Variants in CTNNA3 observed in about 807,000 individuals in gnomAD.
CTNNA3 encodes catenin alpha 3, also known as catenin alpha-3.
A neutral mutation model predicts 95.7 loss-of-function variants in CTNNA3; 76 were observed. That is an observed-to-expected ratio of 0.79 (90% CI 0.66 to 0.96). The LOEUF is 0.96. Among genes scored for constraint, CTNNA3 ranks in the 40% least tolerant of loss-of-function variants. CTNNA3 has a pLI of 0.00. For synonymous variants in CTNNA3, 431 were observed against 374.4 expected (o/e 1.15, Z -1.74); for missense variants, 1,191 against 1,089.8 (o/e 1.09, Z -1.31).
intron 7 of CTNNA3, among the ~76,000 whole-genome samples, chr10:67,055,676 T>A (rs1679823356): frequency 6.6e-6 from 1 of 152,146 alleles, no homozygotes; most frequent in Non-Finnish European, 1.5e-5. Context: ...GGCTTTGTTC[T>A]TTGTAAGAAT....
chr10:66,585,047 CTG>C (rs1294165466), intron 10 of CTNNA3, among the ~76,000 whole-genome samples: 6 of 152,056 alleles, frequency 3.9e-5, no homozygotes, highest in Non-Finnish European at 8.8e-5. Context: ...GCTGAGAAGT[CTG>C]CAGTTAGTTT....
At chr10:66,304,640 A>G (rs980128136) in intron 12 of CTNNA3, among the ~76,000 whole-genome samples, 5 of 152,180 alleles carry the variant, frequency 3.3e-5, no homozygotes, top group African/African-American at 1.2e-4. Flanking sequence ...AGAGGATTAA[A>G]AAAATAAAAT....
At chr10:66,452,883 C>G (rs866307603) in intron 11 of CTNNA3, among the ~76,000 whole-genome samples, 2 of 152,092 alleles carry the variant, frequency 1.3e-5, no homozygotes, top group Admixed American at 6.6e-5. Flanking sequence ...TCAGCATTCC[C>G]CATCCCCTAG....
chr10:67,529,498 C>T (rs1156660909), intron 4 of CTNNA3, among the ~76,000 whole-genome samples: 1 of 77,298 alleles, frequency 1.3e-5, no homozygotes. Context: ...GCTGTGGGGT[C>T]GGGGGAGGGG....
chr10:67,646,183 T>C (rs1409718534), intron 2 of CTNNA3, among the ~76,000 whole-genome samples: 1 of 145,902 alleles, frequency 6.9e-6, no homozygotes, highest in African/African-American at 2.7e-5. Context: ...AGGGTTTTTC[T>C]TTCTTTTTTT....
chr10:66,866,251 G>C (rs529091430), intron 7 of CTNNA3, among the ~76,000 whole-genome samples: 1 of 152,246 alleles, frequency 6.6e-6, no homozygotes, highest in African/African-American at 2.4e-5. Context: ...ATACCAAGAG[G>C]ATACTCAGTT....
chr10:66,077,655 C>T (rs988943124), intron 14 of CTNNA3, among the ~76,000 whole-genome samples: 3 of 151,672 alleles, frequency 2.0e-5, no homozygotes, highest in African/African-American at 7.3e-5. Flanking sequence ...GTAGCATAAA[C>T]CTTTCTCCAA....
intron 11 of CTNNA3, among the ~76,000 whole-genome samples, chr10:66,503,451 A>T (rs957796048): frequency 6.6e-6 from 1 of 151,754 alleles, no homozygotes; most frequent in African/African-American, 2.4e-5. Context: ...ATCTTCAAGC[A>T]TACATAACTC....
At chr10:66,925,186 G>C (rs1033864335) in intron 7 of CTNNA3, among the ~76,000 whole-genome samples, 2 of 152,080 alleles carry the variant, frequency 1.3e-5, no homozygotes, top group Non-Finnish European at 2.9e-5. Context: ...TCTAGCACTC[G>C]CTTGCTGTAT....
chr10:66,789,194 T>G lies in CTNNA3; in HGVS notation c.1048-13670A>C, dbSNP rs1408871637. Among the ~76,000 whole-genome samples, 4 of 152,246 alleles carry G rather than the reference T, an allele frequency of 2.6e-5. No homozygotes were observed. In the East Asian group the frequency reaches 7.7e-4, roughly 29 times the overall value. ...TGTTTATTTGTTTGTTTTGTTGTTG[T>G]TTTTTAAGTCTCACTCTTCTCGCTG... On this transcript the variant is annotated intron_variant, in intron 7 of 17. Transcript: ENST00000433211.
chr10:66,326,272 C>A (rs932952885), intron 12 of CTNNA3, among the ~76,000 whole-genome samples: 2 of 152,110 alleles, frequency 1.3e-5, no homozygotes, highest in Non-Finnish European at 2.9e-5. Flanking sequence ...TGTTACGCTT[C>A]ACTCTTACAA....
intron 10 of CTNNA3, among the ~76,000 whole-genome samples, chr10:66,550,442 A>G (rs969227658): frequency 2.6e-5 from 4 of 152,200 alleles, no homozygotes; most frequent in African/African-American, 9.7e-5. Context: ...CTCACAGGCC[A>G]GCCACCTAAT....
At chr10:66,546,148 T>G (rs987519982) in intron 10 of CTNNA3, among the ~76,000 whole-genome samples, 2 of 151,902 alleles carry the variant, frequency 1.3e-5, no homozygotes, top group Non-Finnish European at 2.9e-5. Context: ...TCTTATTTCC[T>G]ATTAAAACTT....
At chr10:67,150,077 A>AT (rs1291406463) in intron 7 of CTNNA3, among the ~76,000 whole-genome samples, 1 of 152,168 alleles carries the variant, frequency 6.6e-6, no homozygotes, top group Non-Finnish European at 1.5e-5. Context: ...TAAAAGATCG[A>AT]TTTACTTAAG....
intron 5 of CTNNA3, among the ~76,000 whole-genome samples, chr10:67,464,753 A>G (rs1250825167): frequency 6.6e-6 from 1 of 152,108 alleles, no homozygotes; most frequent in Non-Finnish European, 1.5e-5. Context: ...CCAAGAAAGA[A>G]CCCAGGGAAT....
intron 4 of CTNNA3, among the ~76,000 whole-genome samples, 175 bp downstream of exon 4, chr10:67,539,328 G>A (rs1840587157): frequency 6.6e-6 from 1 of 151,958 alleles, no homozygotes. Flanking sequence ...AACTACTCTG[G>A]CTTCCTTATT....
chr10:67,338,677 C>A (rs961152673), intron 5 of CTNNA3, among the ~76,000 whole-genome samples: 3 of 152,082 alleles, frequency 2.0e-5, no homozygotes, highest in African/African-American at 7.2e-5. Flanking sequence ...AACCTTCTTC[C>A]AGTAAATGTC....
At position 67,296,934 on chromosome 10, in the gene CTNNA3, CAAAAAAAAAAAAA is replaced by C. The variant is rs1210482029; in HGVS notation, c.580-77077_580-77065del. Among the ~76,000 whole-genome samples, 11 of 17,664 alleles carry C rather than the reference CAAAAAAAAAAAAA, an allele frequency of 6.2e-4. 1 individual carries two copies. The South Asian group carries it at 8.0e-3, about 13-fold the overall frequency. 11.6% of individuals were successfully genotyped at this position (17,664 alleles called of 152,430 possible). A position where few individuals can be genotyped will look rare whatever the true frequency, so the allele number is the denominator to read the frequency against. On this transcript the variant is annotated intron_variant, in intron 5 of 17. Coordinates refer to ENST00000433211, the MANE Select transcript of CTNNA3 (RefSeq NM_013266.4). ...GGGCAACAAGAATGAAACGCTGTCT[CAAAAAAAAAAAAA>C]AAAAAAAAAAAAAAAGAGTTCAGTG...
chr10:66,275,175 T>C (rs2091366402), intron 13 of CTNNA3, among the ~76,000 whole-genome samples: 2 of 152,196 alleles, frequency 1.3e-5, no homozygotes. Context: ...TGGAGTGCAA[T>C]GGCATGATCT....
Sources: allele counts gnomAD v4.1 joint callset (sites outside exome capture counted in the v4.1 genomes callset), GRCh38; gene constraint gnomAD v4.1.1; transcripts MANE v1.5; gene names NCBI Gene and HGNC (gene_info 2026-07-23, HGNC 2026-07-21).